The following RERG variants were observed in gnomAD, a reference collection of about 807,000 sequenced individuals.
RERG encodes the protein ras-related and estrogen-regulated growth inhibitor.
Under a neutral mutation model 23.2 loss-of-function variants are expected in RERG, and 25 were observed. The observed-to-expected ratio is 1.08, with a 90% CI of 0.79 to 1.50. The LOEUF is 1.50. Ranked by LOEUF, RERG falls within the 40% of genes most tolerant of loss-of-function variation. The pLI is 0.00. For missense variants in RERG, 253 were observed against 250.1 expected, an observed-to-expected ratio of 1.01 and a Z score of -0.08; for synonymous variants, 81 against 89.1, an observed-to-expected ratio of 0.91 and a Z score of 0.51.
intron 2 of RERG, among the ~76,000 whole-genome samples, chr12:15,192,681 G>A (rs1023726434): frequency 1.3e-5 from 2 of 152,002 alleles, no homozygotes; most frequent in Non-Finnish European, 2.9e-5. Flanking sequence ...TCTCTTTCCA[G>A]TATATGATTC....
chr12:15,112,078 T>C (rs1421119191), intron 3 of RERG, among the ~76,000 whole-genome samples: 1 of 152,210 alleles, frequency 6.6e-6, no homozygotes, highest in Non-Finnish European at 1.5e-5. Context: ...ATTGAGAAGG[T>C]GATTTTCACA....
intron 2 of RERG, among the ~76,000 whole-genome samples, chr12:15,150,542 T>C (rs1481459538): frequency 6.6e-6 from 1 of 152,228 alleles, no homozygotes; most frequent in Non-Finnish European, 1.5e-5. Context: ...CATCGTAATA[T>C]GTTAACAATG....
At chr12:15,146,905 TG>T (rs946823763) in intron 2 of RERG, among the ~76,000 whole-genome samples, 40 of 152,288 alleles carry the variant, frequency 2.6e-4, no homozygotes, top group African/African-American at 9.4e-4. Context: ...CACATCAACT[TG>T]GAAATATTAC....
intron 2 of RERG, among the ~76,000 whole-genome samples, chr12:15,143,633 T>C (rs537952337): frequency 6.6e-6 from 1 of 152,254 alleles, no homozygotes; most frequent in African/African-American, 2.4e-5. Flanking sequence ...CTCCTGTAGG[T>C]CCTAGAGATG....
At chr12:15,178,388 G>T (rs575179155) in intron 2 of RERG, among the ~76,000 whole-genome samples, 1 of 127,924 alleles carries the variant, frequency 7.8e-6, no homozygotes, top group Non-Finnish European at 1.7e-5. Flanking sequence ...ACTAATAAAT[G>T]AGCTTGATCT....
intron 2 of RERG, among the ~76,000 whole-genome samples, chr12:15,182,249 G>GGAAAAA (rs1226906783): frequency 6.6e-6 from 1 of 151,924 alleles, no homozygotes; most frequent in African/African-American, 2.4e-5. Flanking sequence ...GTAGAGACGG[G>GGAAAAA]ATTTCTCCAT....
At chr12:15,124,733 T>A (rs1024180645) in intron 2 of RERG, among the ~76,000 whole-genome samples, 2 of 151,678 alleles carry the variant, frequency 1.3e-5, no homozygotes, top group African/African-American at 4.8e-5. Flanking sequence ...ATGCTGGAAA[T>A]TTTTTTTCCA....
chr12:15,121,141 T>A, intron 2 of RERG, 22 bp from the exon 3 acceptor site: 3 of 1,601,604 alleles, frequency 1.9e-6, no homozygotes, highest in Non-Finnish European at 2.6e-6. Flanking sequence ...AAGAGCAACA[T>A]TTCAAAAAAT....
intron 2 of RERG, among the ~76,000 whole-genome samples, chr12:15,147,268 T>C (rs548714554): frequency 6.6e-6 from 1 of 152,204 alleles, no homozygotes; most frequent in Admixed American, 6.5e-5. Context: ...ATTAGAAATC[T>C]AAATGATTAA....
At chr12:15,167,933 A>G (rs1864719909) in intron 2 of RERG, among the ~76,000 whole-genome samples, 1 of 152,166 alleles carries the variant, frequency 6.6e-6, no homozygotes, top group Admixed American at 6.5e-5. Context: ...GTTGAATAAC[A>G]ATTGGGAACT....
chr12:15,142,017 A>C (rs1263817284), intron 2 of RERG, among the ~76,000 whole-genome samples: 1 of 152,120 alleles, frequency 6.6e-6, no homozygotes, highest in Non-Finnish European at 1.5e-5. Flanking sequence ...TTTTACTATT[A>C]GTTTTATTTG....
chr12:15,200,606 G>A (rs1451599001), intron 2 of RERG, among the ~76,000 whole-genome samples: 1 of 151,842 alleles, frequency 6.6e-6, no homozygotes, highest in Non-Finnish European at 1.5e-5. Context: ...TTTGCCCTTT[G>A]TAGGGGCTTG....
chr12:15,164,543 C>T (rs1480266630), intron 2 of RERG, among the ~76,000 whole-genome samples: 3 of 152,188 alleles, frequency 2.0e-5, no homozygotes, highest in Non-Finnish European at 4.4e-5. Context: ...TGTATCACCA[C>T]TAGCAAGTTT....
chr12:15,217,391 A>C lies in RERG; in HGVS notation c.61+38T>G, dbSNP rs201380673. On this transcript the variant is annotated intron_variant, in intron 2 of 4. Coordinates refer to ENST00000256953, the MANE Select transcript of RERG (RefSeq NM_032918.3). ...CAGTAATAAAGAAACACACTCACCC[A>C]CACACACACACTATAACAACCACAA... 20 of 1,200,700 alleles carry C rather than the reference A, an allele frequency of 1.7e-5. No homozygotes were observed. In the East Asian group the frequency reaches 2.5e-4, roughly 15 times the overall value. The allele number at this position is 1,200,700 out of a possible 1,614,324, so 74.4% of individuals were successfully genotyped here.
chr12:15,169,374 C>T (rs935715108), intron 2 of RERG, among the ~76,000 whole-genome samples: 1 of 152,188 alleles, frequency 6.6e-6, no homozygotes, highest in Non-Finnish European at 1.5e-5. Flanking sequence ...CTGACCAATG[C>T]AGTTGGGTAT....
intron 2 of RERG, among the ~76,000 whole-genome samples, chr12:15,150,811 A>AT (rs1864428024): frequency 6.6e-6 from 1 of 152,298 alleles, no homozygotes; most frequent in African/African-American, 2.4e-5. Flanking sequence ...CCTGGCAGAG[A>AT]TGTGGGAGGT....
intron 4 of RERG, among the ~76,000 whole-genome samples, chr12:15,109,983 T>C (rs1483438138): frequency 1.3e-5 from 2 of 152,226 alleles, no homozygotes; most frequent in Non-Finnish European, 2.9e-5. Context: ...TTGTTGTTTG[T>C]TTTAATTTTC....
chr12:15,144,992 T>C (rs751488846), intron 2 of RERG, among the ~76,000 whole-genome samples: 4 of 152,224 alleles, frequency 2.6e-5, no homozygotes, highest in Non-Finnish European at 5.9e-5. Flanking sequence ...AAATTTTCTT[T>C]TCTTTTTTCC....
At chr12:15,173,073 A>C (rs1864798349) in intron 2 of RERG, among the ~76,000 whole-genome samples, 1 of 151,838 alleles carries the variant, frequency 6.6e-6, no homozygotes, top group Non-Finnish European at 1.5e-5. Context: ...AGTCACAAAC[A>C]CTCTTAGGTT....
Sources: gnomAD v4.1 joint callset for allele counts (sites outside exome capture counted in the v4.1 genomes callset) on GRCh38, gnomAD v4.1.1 for gene constraint, MANE v1.5 for transcripts, NCBI Gene and HGNC (gene_info 2026-07-23, HGNC 2026-07-21) for gene names.